The following CYYR1 variants were observed in gnomAD, a reference collection of about 807,000 sequenced individuals.
CYYR1 encodes cysteine and tyrosine-rich protein 1.
In CYYR1, 14 loss-of-function variants were observed where a neutral mutation model predicts 15.2. That is an observed-to-expected ratio of 0.92 (90% CI 0.61 to 1.44). The LOEUF is 1.44. CYYR1 is among the 40% of genes most tolerant of loss of function. CYYR1 has a pLI of 0.00. For synonymous variants in CYYR1, 80 were observed against 77.4 expected (o/e 1.03, Z -0.18); for missense variants, 228 against 209.5 (o/e 1.09, Z -0.54).
intron 2 of CYYR1, among the ~76,000 whole-genome samples, chr21:26,564,179 A>C (rs1980442096): frequency 6.6e-6 from 1 of 151,490 alleles, no homozygotes; most frequent in Non-Finnish European, 1.5e-5. Context: ...CCGACCACCC[A>C]TTAAAAAAAA....
intron 2 of CYYR1, among the ~76,000 whole-genome samples, chr21:26,507,740 G>T (rs1445534631): frequency 2.0e-5 from 3 of 152,134 alleles, no homozygotes; most frequent in Admixed American, 6.5e-5. Context: ...ACAAACTGCT[G>T]AAAGAAATTA....
At chr21:26,514,992 G>A (rs1026943786) in intron 2 of CYYR1, among the ~76,000 whole-genome samples, 3 of 152,190 alleles carry the variant, frequency 2.0e-5, no homozygotes, top group Non-Finnish European at 2.9e-5. Context: ...TGCTTTTCAC[G>A]ATTCAATGTG....
chr21:26,569,640 T>G (rs968734202), intron 1 of CYYR1, among the ~76,000 whole-genome samples: 1 of 152,210 alleles, frequency 6.6e-6, no homozygotes, highest in Non-Finnish European at 1.5e-5. Flanking sequence ...CCATTCTGAT[T>G]GTGAGAGAGC....
chr21:26,480,453 T>C (rs756083264), intron 2 of CYYR1, 24 bp from the exon 3 acceptor site: 1 of 1,597,536 alleles, frequency 6.3e-7, no homozygotes, highest in Non-Finnish European at 8.5e-7. Context: ...CAAGTAAGTT[T>C]ACTCAAAAGA....
chr21:26,491,617 T>C (rs1473975875), intron 2 of CYYR1, among the ~76,000 whole-genome samples: 1 of 152,128 alleles, frequency 6.6e-6, no homozygotes, highest in East Asian at 1.9e-4. Context: ...TTAATAAGGA[T>C]TAAATATTTA....
intron 1 of CYYR1, among the ~76,000 whole-genome samples, chr21:26,571,991 T>A (rs1981036161): frequency 6.6e-6 from 1 of 152,208 alleles, no homozygotes; most frequent in Non-Finnish European, 1.5e-5. Context: ...CTGAAGAACA[T>A]CATTTCAGTT....
chr21:26,480,844 A>C lies in CYYR1; in HGVS notation c.177-415T>G, dbSNP rs1601731518. On this transcript the variant is annotated intron_variant, in intron 2 of 3. Coordinates refer to ENST00000652641, the MANE Select transcript of CYYR1 (RefSeq NM_001320768.2). ...GTGTTTAATGAAAACAACTTGGTAG[A>C]TGTCAGAATATTAAGTGAAATTTAA... Among the ~76,000 whole-genome samples, 4 of 152,310 alleles carry C rather than the reference A, an allele frequency of 2.6e-5. No individual in the cohort carries two copies. The South Asian group carries it at 8.3e-4, about 32-fold the overall frequency.
intron 3 of CYYR1, among the ~76,000 whole-genome samples, chr21:26,478,901 G>A (rs1300089983): frequency 8.5e-5 from 13 of 152,108 alleles, no homozygotes; most frequent in Admixed American, 8.5e-4. Context: ...GGATAGAGAT[G>A]CCATCAAGAG....
intron 2 of CYYR1, among the ~76,000 whole-genome samples, chr21:26,544,849 G>A (rs1978840200): frequency 6.6e-6 from 1 of 152,100 alleles, no homozygotes; most frequent in African/African-American, 2.4e-5. Context: ...ACTTTGGGAG[G>A]TTGAGGTGGA....
At chr21:26,566,156 A>G (rs1211894668) in intron 2 of CYYR1, 110 bp downstream of exon 2, 5 of 725,810 alleles carry the variant, frequency 6.9e-6, no homozygotes, top group Middle Eastern at 2.4e-4. Context: ...GTCAATAACC[A>G]ATCTTGAAAT....
chr21:26,500,201 A>G (rs1029481669), intron 2 of CYYR1, among the ~76,000 whole-genome samples: 36 of 151,994 alleles, frequency 2.4e-4, no homozygotes, highest in Non-Finnish European at 1.5e-5. Context: ...CCTCATCTAA[A>G]CCTAATTCTC....
chr21:26,501,652 C>A (rs1438536932), intron 2 of CYYR1, among the ~76,000 whole-genome samples: 1 of 152,164 alleles, frequency 6.6e-6, no homozygotes, highest in Non-Finnish European at 1.5e-5. Flanking sequence ...ACCACTTAAT[C>A]TTTTGGTCTC....
intron 2 of CYYR1, among the ~76,000 whole-genome samples, chr21:26,485,715 C>T (rs142468515): frequency 5.3e-5 from 8 of 152,118 alleles, no homozygotes; most frequent in African/African-American, 1.4e-4. Flanking sequence ...TTTGTTTAAC[C>T]ATTATTTATT....
intron 2 of CYYR1, among the ~76,000 whole-genome samples, chr21:26,539,975 G>T (rs969368960): frequency 6.6e-6 from 1 of 152,160 alleles, no homozygotes; most frequent in African/African-American, 2.4e-5. Context: ...AAAGTAAGAG[G>T]AGAAACAAGG....
At chr21:26,529,159 G>A (rs2065899488) in intron 2 of CYYR1, among the ~76,000 whole-genome samples, 1 of 152,170 alleles carries the variant, frequency 6.6e-6, no homozygotes, top group Non-Finnish European at 1.5e-5. Flanking sequence ...GTCAGAGGAG[G>A]TTAGTAACTT....
chr21:26,475,994 G>A (rs993589497), intron 3 of CYYR1, among the ~76,000 whole-genome samples: 6 of 152,112 alleles, frequency 3.9e-5, no homozygotes, highest in African/African-American at 1.4e-4. Context: ...AAACACAGAA[G>A]TTTTCTTTAG....
chr21:26,572,816 C>G, intron 1 of CYYR1, 52 bp downstream of exon 1: 1 of 1,604,986 alleles, frequency 6.2e-7, no homozygotes, highest in Non-Finnish European at 8.5e-7. Context: ...CGGACCGTGA[C>G]CCAAGGGCAG....
chr21:26,544,853 A>AGGCG (rs1978840672), intron 2 of CYYR1, among the ~76,000 whole-genome samples: 1 of 152,156 alleles, frequency 6.6e-6, no homozygotes, highest in South Asian at 2.1e-4. Context: ...TGGGAGGTTG[A>AGGCG]GGTGGATCCT....
chr21:26,557,496 C>T (rs894679262), intron 2 of CYYR1, among the ~76,000 whole-genome samples: 1 of 152,086 alleles, frequency 6.6e-6, no homozygotes, highest in Non-Finnish European at 1.5e-5. Flanking sequence ...CATTGATTGT[C>T]CCCACCACCA....
Sources: gnomAD v4.1 joint callset for allele counts (sites outside exome capture counted in the v4.1 genomes callset) on GRCh38, gnomAD v4.1.1 for gene constraint, MANE v1.5 for transcripts, NCBI Gene and HGNC (gene_info 2026-07-23, HGNC 2026-07-21) for gene names.